PHACTR1: variants seen among roughly 807,000 people sequenced by gnomAD.
The protein encoded by PHACTR1 is RPEL repeat containing 1.
In PHACTR1, 16 loss-of-function variants were observed where a neutral mutation model predicts 69.2. The ratio of observed to expected loss-of-function variants is 0.23; its 90% CI spans 0.16 to 0.35. The LOEUF (loss-of-function observed/expected upper bound fraction) is 0.35, where lower values mean the gene tolerates loss of function less well. PHACTR1 is among the 10% of genes least tolerant of loss of function. The pLI, the probability that PHACTR1 is intolerant of heterozygous loss-of-function variation, is 1.00. For synonymous variants in PHACTR1, 312 were observed against 284.5 expected (o/e 1.10, Z -0.97); for missense variants, 510 against 734.7 (o/e 0.69, Z 3.54).
intron 4 of PHACTR1, among the ~76,000 whole-genome samples, chr6:12,929,213 CAG>C (rs1456014507): frequency 6.6e-6 from 1 of 152,186 alleles, no homozygotes; most frequent in Non-Finnish European, 1.5e-5. Context: ...ATTTGTGCTT[CAG>C]AGTTTCCCCA....
chr6:13,060,906 C>A (rs1462152105), intron 5 of PHACTR1, among the ~76,000 whole-genome samples: 1 of 152,156 alleles, frequency 6.6e-6, no homozygotes, highest in East Asian at 1.9e-4. Flanking sequence ...GTTTCCTAAG[C>A]TGCTATAACA....
Position 12,786,045 on chromosome 6 carries a change from G to A in PHACTR1, c.250+36255G>A, listed in dbSNP as rs150968175. On this transcript the variant is annotated intron_variant, in intron 4 of 14. Coordinates refer to ENST00000332995, the MANE Select transcript of PHACTR1 (RefSeq NM_030948.6). ...GAAAATAAAAACTTCTTCCCCATGC[G>A]TTTTCTCCCTCTGCCCTTGGATACT... is the stretch of plus-strand genomic sequence containing the variant. Among the ~76,000 whole-genome samples the A allele has an allele frequency of 2.6e-4, 39 of 152,264 alleles. No individual in the cohort carries two copies. The South Asian group carries it at 5.8e-3, about 23-fold the overall frequency.
intron 4 of PHACTR1, among the ~76,000 whole-genome samples, chr6:12,986,025 G>T (rs915238165): frequency 6.6e-6 from 1 of 151,986 alleles, no homozygotes; most frequent in Non-Finnish European, 1.5e-5. Flanking sequence ...TAGTAGAGAG[G>T]GGATTTCACC....
chr6:13,221,746 G>A (rs1768674890), intron 8 of PHACTR1, among the ~76,000 whole-genome samples: 1 of 152,192 alleles, frequency 6.6e-6, no homozygotes, highest in South Asian at 2.1e-4. Flanking sequence ...CAGTTAGAAT[G>A]AACAAAGGTG....
At chr6:13,012,004 T>G (rs1799502753) in intron 4 of PHACTR1, among the ~76,000 whole-genome samples, 1 of 152,318 alleles carries the variant, frequency 6.6e-6, no homozygotes, top group Admixed American at 6.5e-5. Context: ...GTGGTTGGCC[T>G]GGCTGGTAGT....
intron 4 of PHACTR1, among the ~76,000 whole-genome samples, chr6:12,971,181 G>T (rs1794151743): frequency 6.6e-6 from 1 of 152,152 alleles, no homozygotes; most frequent in African/African-American, 2.4e-5. Flanking sequence ...ACCAGCTAGG[G>T]CTGGAAGAAA....
At chr6:12,759,961 T>C (rs1252747645) in intron 4 of PHACTR1, among the ~76,000 whole-genome samples, 1 of 152,226 alleles carries the variant, frequency 6.6e-6, no homozygotes, top group Non-Finnish European at 1.5e-5. Flanking sequence ...CTCAATTCTC[T>C]CACTTGTAAA....
intron 5 of PHACTR1, among the ~76,000 whole-genome samples, chr6:13,080,465 A>G (rs1178568253): frequency 6.6e-6 from 1 of 152,210 alleles, no homozygotes; most frequent in East Asian, 1.9e-4. Flanking sequence ...TCATTAACCA[A>G]CTAAACCAAT....
intron 3 of PHACTR1, among the ~76,000 whole-genome samples, chr6:12,722,659 T>C (rs997220808): frequency 1.3e-5 from 2 of 152,230 alleles, no homozygotes; most frequent in African/African-American, 4.8e-5. Flanking sequence ...ATAAAGAACC[T>C]GTTATCTTCT....
At chr6:13,155,659 G>A (rs1485516062) in intron 5 of PHACTR1, among the ~76,000 whole-genome samples, 3 of 152,202 alleles carry the variant, frequency 2.0e-5, no homozygotes, top group African/African-American at 7.2e-5. Context: ...GGAGGCCAAG[G>A]CGGGCAGATC....
Position 13,020,814 on chromosome 6 carries a change from G to A in PHACTR1, c.251-32551G>A, listed in dbSNP as rs115307383. Among the ~76,000 whole-genome samples, 1,494 of 152,232 alleles carry A rather than the reference G, an allele frequency of 9.8e-3. 34 individuals are homozygous for A. The highest frequency in any genetic ancestry group is 0.034 in the African/African-American group (1,395 of 41,526). ...TTCGTTTATTATGGATCTAGTCGAT[G>A]AATGTGTGTCCCTTTATTACAGTGG... On this transcript the variant is annotated intron_variant, in intron 4 of 14. Coordinates refer to ENST00000332995, the MANE Select transcript of PHACTR1 (RefSeq NM_030948.6).
chr6:12,994,882 A>T (rs1009931561), intron 4 of PHACTR1, among the ~76,000 whole-genome samples: 1 of 152,190 alleles, frequency 6.6e-6, no homozygotes, highest in African/African-American at 2.4e-5. Context: ...ACATATGTTT[A>T]TTAGATAATG....
At chr6:13,256,086 T>C (rs1775157533) in intron 10 of PHACTR1, among the ~76,000 whole-genome samples, 1 of 152,242 alleles carries the variant, frequency 6.6e-6, no homozygotes, top group African/African-American at 2.4e-5. Context: ...AGTCTAGGCC[T>C]CAACTCTTGT....
intron 4 of PHACTR1, among the ~76,000 whole-genome samples, chr6:13,018,006 C>T (rs149283389): frequency 0.01 from 1,592 of 152,226 alleles, 15 homozygotes; most frequent in Middle Eastern, 0.017. Context: ...ATTTACTAAT[C>T]CATGGACTTG....
chr6:13,172,258 C>G (rs1760730129), intron 6 of PHACTR1, among the ~76,000 whole-genome samples: 1 of 152,080 alleles, frequency 6.6e-6, no homozygotes, highest in Non-Finnish European at 1.5e-5. Flanking sequence ...TCAAAATGCC[C>G]AGAAATAGCA....
chr6:13,119,221 A>G (rs1818312362), intron 5 of PHACTR1, among the ~76,000 whole-genome samples: 5 of 152,326 alleles, frequency 3.3e-5, no homozygotes, highest in South Asian at 4.1e-4. Context: ...TTCCAGAACA[A>G]TACCCAAACA....
intron 4 of PHACTR1, among the ~76,000 whole-genome samples, chr6:13,026,085 T>G (rs1043056939): frequency 2.5e-4 from 38 of 152,232 alleles, no homozygotes; most frequent in African/African-American, 8.7e-4. Flanking sequence ...AAATACATAA[T>G]TAGCCATAAT....
chr6:12,948,526 A>C (rs1255978823), intron 4 of PHACTR1, among the ~76,000 whole-genome samples: 1 of 152,234 alleles, frequency 6.6e-6, no homozygotes, highest in Non-Finnish European at 1.5e-5. Flanking sequence ...TATTTAACAC[A>C]AACCACATTT....
intron 4 of PHACTR1, among the ~76,000 whole-genome samples, chr6:12,818,370 G>A (rs1775826427): frequency 6.6e-6 from 1 of 152,150 alleles, no homozygotes; most frequent in Non-Finnish European, 1.5e-5. Flanking sequence ...TATCCAGGTA[G>A]TATTTCATCT....
Sources: gnomAD v4.1 joint callset for allele counts (sites outside exome capture counted in the v4.1 genomes callset) on GRCh38, gnomAD v4.1.1 for gene constraint, MANE v1.5 for transcripts, NCBI Gene and HGNC (gene_info 2026-07-23, HGNC 2026-07-21) for gene names.